The following C8B variants were observed in gnomAD, a reference collection of about 807,000 sequenced individuals.
C8B encodes the protein complement component C8 beta chain.
In C8B, 67 loss-of-function variants were observed where a neutral mutation model predicts 64.6. That is an observed-to-expected ratio of 1.04 (90% CI 0.85 to 1.27). The LOEUF is 1.27. Ranked by LOEUF, C8B falls within the 50% of genes most tolerant of loss-of-function variation. The pLI, the probability that C8B is intolerant of heterozygous loss-of-function variation, is 0.00. For synonymous variants in C8B, 284 were observed against 257.7 expected, an observed-to-expected ratio of 1.10 and a Z score of -0.98; for missense variants, 790 against 725.2, an observed-to-expected ratio of 1.09 and a Z score of -1.03.
At chr1:56,937,868 C>G (rs932191454) in intron 9 of C8B, among the ~76,000 whole-genome samples, 3 of 152,162 alleles carry the variant, frequency 2.0e-5, no homozygotes, top group Non-Finnish European at 1.5e-5. Context: ...GACCATTTCA[C>G]TAGGTCACAA....
intron 1 of C8B, among the ~76,000 whole-genome samples, chr1:56,965,381 G>GAA (rs1645238871): frequency 1.1e-5 from 1 of 94,594 alleles, no homozygotes; most frequent in African/African-American, 4.0e-5. Flanking sequence ...TGGGGGGTGA[G>GAA]AGAGAGAGAG....
chr1:56,963,768 T>C (rs1408733237), intron 1 of C8B: 1 of 684,434 alleles, frequency 1.5e-6, no homozygotes, highest in African/African-American at 1.9e-5. Context: ...ACAGTAGCAC[T>C]TACCTGGAAT....
Position 56,965,906 on chromosome 1 carries a change from G to A in C8B, c.43C>T (p.Leu15=), listed in dbSNP as rs1481679892. The A allele has an allele frequency of 1.2e-6, 2 of 1,613,948 alleles. No individual in the cohort carries two copies. Among genetic ancestry groups the A allele is most frequent in the Admixed American group, 1.7e-5 (1 of 59,996 alleles). The change falls in exon 1 of 12, where the codon CTA becomes TTA. Residue 15 remains leucine (L), a synonymous_variant. Coordinates refer to ENST00000371237, the MANE Select transcript of C8B (RefSeq NM_000066.4). ...CCCAGGGCAGCACAGAGAAGAAATA[G>A]CTCCACCGGCGCCCTCCAAGCCCAT... ...RTWAWRAPVE[L]FLLCAALGCL...
intron 11 of C8B, among the ~76,000 whole-genome samples, chr1:56,930,853 A>G (rs1349027769): frequency 6.6e-6 from 1 of 152,240 alleles, no homozygotes; most frequent in African/African-American, 2.4e-5. Context: ...TACAATGTGT[A>G]AGGTATCATT....
chr1:56,955,156 T>C (rs1045748529), intron 3 of C8B, among the ~76,000 whole-genome samples: 5 of 152,128 alleles, frequency 3.3e-5, no homozygotes, highest in African/African-American at 1.2e-4. Flanking sequence ...TTACTTAACC[T>C]CTCTGCCTCA....
At chr1:56,932,060 C>A (rs78678594) in intron 10 of C8B, among the ~76,000 whole-genome samples, 182 bp from the exon 11 acceptor site, 1 of 152,114 alleles carries the variant, frequency 6.6e-6, no homozygotes, top group Non-Finnish European at 1.5e-5. Context: ...GCCTTTGCCA[C>A]GAAGGGGTGT....
intron 11 of C8B, among the ~76,000 whole-genome samples, chr1:56,930,753 G>A (rs1644689088): frequency 6.6e-6 from 1 of 152,104 alleles, no homozygotes; most frequent in Admixed American, 6.6e-5. Context: ...CTACTTCATG[G>A]GGTTGTTGTG....
At chr1:56,943,594 G>A (rs1644896607) in intron 8 of C8B, 102 bp downstream of exon 8, 1 of 1,374,316 alleles carries the variant, frequency 7.3e-7, no homozygotes, top group Non-Finnish European at 1.0e-6. Context: ...CTAGAAGTTG[G>A]GATAGTATTT....
intron 1 of C8B, chr1:56,963,887 G>T (rs1645214292): frequency 8.1e-6 from 8 of 985,390 alleles, no homozygotes; most frequent in Non-Finnish European, 8.4e-6. Context: ...TTGATTACAA[G>T]AGTAAGTAAG....
chr1:56,954,464 C>T (rs1351809087), intron 4 of C8B, among the ~76,000 whole-genome samples: 1 of 152,208 alleles, frequency 6.6e-6, no homozygotes, highest in Non-Finnish European at 1.5e-5. Flanking sequence ...CCCAGTGTTC[C>T]AAACCAGCCC....
intron 11 of C8B, 114 bp from the exon 12 acceptor site, chr1:56,929,672 T>C (rs1570366095): frequency 2.1e-6 from 2 of 958,854 alleles, no homozygotes; most frequent in Non-Finnish European, 3.3e-6. Flanking sequence ...ATCTCTGAGC[T>C]CCCTGCTGCC....
intron 4 of C8B, among the ~76,000 whole-genome samples, chr1:56,953,425 C>G (rs897696642): frequency 6.6e-6 from 1 of 152,148 alleles, no homozygotes; most frequent in Non-Finnish European, 1.5e-5. Context: ...TCATTTAATC[C>G]TTATGAGGAT....
intron 2 of C8B, 133 bp from the exon 3 acceptor site, chr1:56,957,043 C>T: frequency 2.2e-6 from 2 of 915,344 alleles, no homozygotes; most frequent in South Asian, 1.4e-5. Flanking sequence ...ATCATCATTC[C>T]CCCAGCCCCT....
At position 56,949,649 on chromosome 1, in the gene C8B, C is replaced by T. The variant is rs745306502; in HGVS notation, c.770G>A (p.Gly257Asp). Residue 257 changes from glycine (G) to aspartate (D), a missense_variant, in exon 6 of 12, where the codon GGT becomes GAT. Gly to Asp is a moderately conservative substitution (Grantham distance 94). Coordinates refer to ENST00000371237, the MANE Select transcript of C8B (RefSeq NM_000066.4). ...TTCAAATATTCCAGGTATTTTAAAA[C>T]CAAAACTGAAACCAGACTTGCTTGC... ...KMASKSGFSF[G>D]FKIPGIFELG... 7 of 1,613,902 alleles carry T rather than the reference C, an allele frequency of 4.3e-6. No homozygotes were observed. In the Admixed American group the frequency reaches 6.7e-5, roughly 15 times the overall value.
intron 8 of C8B, among the ~76,000 whole-genome samples, chr1:56,941,497 G>T (rs1644855564): frequency 2.5e-5 from 1 of 39,650 alleles, no homozygotes; most frequent in Non-Finnish European, 6.0e-5. Context: ...GATAATAGTA[G>T]ATAGATAGAT....
intron 10 of C8B, among the ~76,000 whole-genome samples, chr1:56,932,956 A>T (rs1245657197): frequency 6.6e-6 from 1 of 151,642 alleles, no homozygotes; most frequent in East Asian, 1.9e-4. Flanking sequence ...CCCCAACATG[A>T]CTCTTGAGTT....
intron 1 of C8B, among the ~76,000 whole-genome samples, chr1:56,961,286 A>G (rs922080564): frequency 6.6e-6 from 1 of 152,256 alleles, no homozygotes; most frequent in South Asian, 2.1e-4. Context: ...ATGGGAAGAC[A>G]AAAGGAATGG....
intron 7 of C8B, 131 bp from the exon 8 acceptor site, chr1:56,943,955 G>T: frequency 1.0e-6 from 1 of 987,358 alleles, no homozygotes; most frequent in Non-Finnish European, 1.5e-6. Flanking sequence ...TAGGTCACCA[G>T]CCTGATAACA....
intron 6 of C8B, among the ~76,000 whole-genome samples, chr1:56,947,565 T>C (rs1292121890): frequency 6.6e-6 from 1 of 152,168 alleles, no homozygotes; most frequent in Non-Finnish European, 1.5e-5. Flanking sequence ...GGCACTCCCT[T>C]TTCTAGGATT....
Sources: allele counts gnomAD v4.1 joint callset (sites outside exome capture counted in the v4.1 genomes callset), GRCh38; gene constraint gnomAD v4.1.1; transcripts MANE v1.5; gene names NCBI Gene and HGNC (gene_info 2026-07-23, HGNC 2026-07-21).